Variants in SV2C observed in about 807,000 individuals in gnomAD.
SV2C encodes solute carrier family 22 member B3.
A neutral mutation model predicts 79.7 loss-of-function variants in SV2C; 49 were observed. The observed-to-expected ratio is 0.61, with a 90% CI of 0.49 to 0.78. SV2C has a LOEUF of 0.78. SV2C is among the 30% of genes least tolerant of loss of function. The pLI, the probability that SV2C is intolerant of heterozygous loss-of-function variation, is 0.00. For missense variants in SV2C, 833 were observed against 912.9 expected, an observed-to-expected ratio of 0.91 and a Z score of 1.13; for synonymous variants, 334 against 333.2, an observed-to-expected ratio of 1.00 and a Z score of -0.03.
At chr5:76,167,128 T>C (rs577843425) in intron 2 of SV2C, among the ~76,000 whole-genome samples, 5 of 152,344 alleles carry the variant, frequency 3.3e-5, no homozygotes, top group Admixed American at 6.5e-5. Flanking sequence ...GAAAGGAGAA[T>C]AGGCCAGGCT....
intron 2 of SV2C, among the ~76,000 whole-genome samples, chr5:76,142,785 G>A (rs1006156250): frequency 2.3e-4 from 35 of 152,128 alleles, no homozygotes; most frequent in Admixed American, 2.2e-3. Flanking sequence ...AAATAATATG[G>A]CAAATATTCA....
At chr5:76,337,782 G>T (rs1749356039), downstream of SV2C, among the ~76,000 whole-genome samples, 1 of 152,164 alleles carries the variant, frequency 6.6e-6, no homozygotes, top group African/African-American at 2.4e-5. Context: ...GTGGTTATTT[G>T]CCTCCCTCTG....
the SV2C span, among the ~76,000 whole-genome samples, chr5:75,987,132 G>A: frequency 4.6e-5 from 7 of 151,902 alleles, no homozygotes; most frequent in Non-Finnish European, 8.8e-5. Flanking sequence ...CACACTGCTC[G>A]CTGTGTTCTA....
intron 2 of SV2C, among the ~76,000 whole-genome samples, chr5:76,155,593 C>T: frequency 6.6e-6 from 1 of 152,106 alleles, no homozygotes; most frequent in South Asian, 2.1e-4. Context: ...TTCTTTCATC[C>T]AGCCTCCACC....
chr5:76,007,429 T>A, the SV2C span, among the ~76,000 whole-genome samples: 2 of 152,282 alleles, frequency 1.3e-5, no homozygotes, highest in Non-Finnish European at 2.9e-5. Context: ...ACTTACAGTG[T>A]AACTGTGAGG....
At chr5:76,080,057 T>C (rs1278247998), upstream of SV2C, among the ~76,000 whole-genome samples, 3 of 152,126 alleles carry the variant, frequency 2.0e-5, no homozygotes, top group African/African-American at 7.2e-5. Flanking sequence ...TCCGTGGGCT[T>C]TGTTTTTTTG....
At chr5:76,347,098 G>A (rs909763469) in intron 12 of SV2C, among the ~76,000 whole-genome samples, 4 of 136,134 alleles carry the variant, frequency 2.9e-5, no homozygotes, top group South Asian at 2.3e-4. Context: ...AAAGTGGGAC[G>A]GGGCAGGAGA....
intron 1 of SV2C, among the ~76,000 whole-genome samples, chr5:76,088,882 A>G (rs747864004): frequency 1.3e-5 from 2 of 152,148 alleles, no homozygotes; most frequent in African/African-American, 4.8e-5. Flanking sequence ...AGGATTAGGG[A>G]TAAATTGGTC....
chr5:76,279,679 C>A (rs1747124252), intron 4 of SV2C, among the ~76,000 whole-genome samples: 1 of 152,162 alleles, frequency 6.6e-6, no homozygotes, highest in Non-Finnish European at 1.5e-5. Context: ...AAAGTGGAGA[C>A]TGGCTATAGA....
rs1748695219 is a variant in SV2C, at chr5:76,126,033, G to A, written c.-101-5617G>A. 2.0e-5 allele frequency among the ~76,000 whole-genome samples: 3 copies of A among 152,120 alleles called. No individual in the cohort carries two copies. The South Asian group carries it at 6.2e-4, about 32-fold the overall frequency. Reference sequence around the variant, plus strand: ...GATCATGCCACTGCTGCCTGGGTGGGAGAGTGAGGCCCTGTCTCAAAAAAC... The same window carrying A: ...GATCATGCCACTGCTGCCTGGGTGGAAGAGTGAGGCCCTGTCTCAAAAAAC... On this transcript the variant is annotated intron_variant, in intron 1 of 12. Transcript: ENST00000502798.
the SV2C span, among the ~76,000 whole-genome samples, chr5:75,848,043 A>G: frequency 6.6e-6 from 1 of 152,202 alleles, no homozygotes; most frequent in Non-Finnish European, 1.5e-5. Context: ...AACTTTTCCC[A>G]TGGATCTGGA....
chr5:75,875,939 G>A, the SV2C span, among the ~76,000 whole-genome samples: 1 of 152,138 alleles, frequency 6.6e-6, no homozygotes, highest in Non-Finnish European at 1.5e-5. Context: ...ATGCTGATGA[G>A]GTTGCAGAGA....
chr5:75,893,475 C>G, the SV2C span, among the ~76,000 whole-genome samples: 1 of 152,022 alleles, frequency 6.6e-6, no homozygotes, highest in Non-Finnish European at 1.5e-5. Context: ...AGCTGTTACC[C>G]TAAGCAAATC....
At chr5:76,045,127 G>A in the SV2C span, among the ~76,000 whole-genome samples, 2,728 of 152,142 alleles carry the variant, frequency 0.018, 40 homozygotes, top group South Asian at 0.05. Flanking sequence ...AATTTTCAGC[G>A]TATGGCTAAC....
Position 76,174,276 on chromosome 5 carries a change from G to A in SV2C, c.581-20643G>A, listed in dbSNP as rs1355690192. ...CGTCGCCCCGTGCTCCCCGCGGGTCGCTACTCTAGGCGCCACGGCGGTCCT... is the reference window on the plus strand; with the variant it reads ...CGTCGCCCCGTGCTCCCCGCGGGTCACTACTCTAGGCGCCACGGCGGTCCT... On this transcript the variant is annotated intron_variant, in intron 2 of 12. Coordinates refer to ENST00000502798, the MANE Select transcript of SV2C (RefSeq NM_014979.4). 1.7e-5 allele frequency: 22 copies of A among 1,277,778 alleles called. No homozygotes were observed. The South Asian group carries it at 2.1e-4, about 12-fold the overall frequency. 79.2% of individuals were successfully genotyped at this position (1,277,778 alleles called of 1,614,324 possible).
the SV2C span, among the ~76,000 whole-genome samples, chr5:76,051,406 A>G: frequency 6.6e-6 from 1 of 152,194 alleles, no homozygotes; most frequent in African/African-American, 2.4e-5. Context: ...TTTATGCAAT[A>G]ATTCCACTTC....
At chr5:76,049,463 C>T in the SV2C span, among the ~76,000 whole-genome samples, 1 of 152,110 alleles carries the variant, frequency 6.6e-6, no homozygotes, top group African/African-American at 2.4e-5. Context: ...CATAGGAAGC[C>T]ATCTTACTAA....
chr5:75,885,171 C>A, the SV2C span, among the ~76,000 whole-genome samples: 1 of 152,106 alleles, frequency 6.6e-6, no homozygotes, highest in East Asian at 1.9e-4. Context: ...CCCCTATTGT[C>A]ACCCTCCCAT....
chr5:76,269,929 CA>C (rs1746788495), intron 4 of SV2C, among the ~76,000 whole-genome samples: 1 of 152,196 alleles, frequency 6.6e-6, no homozygotes, highest in African/African-American at 2.4e-5. Flanking sequence ...CAGGACCAAT[CA>C]TTTCCACATT....
Sources: allele counts gnomAD v4.1 joint callset (sites outside exome capture counted in the v4.1 genomes callset), GRCh38; gene constraint gnomAD v4.1.1; transcripts MANE v1.5; gene names NCBI Gene and HGNC (gene_info 2026-07-23, HGNC 2026-07-21).